SSPN: variants seen among roughly 807,000 people sequenced by gnomAD.
SSPN encodes the protein sarcospan.
SSPN carries 15 observed loss-of-function variants against 19.1 expected under a neutral mutation model. The observed-to-expected ratio is 0.78, with a 90% CI of 0.52 to 1.21. The LOEUF is 1.21. Ranked by LOEUF, SSPN falls within the 50% of genes most tolerant of loss-of-function variation. The pLI is 0.00. For synonymous variants in SSPN, 147 were observed against 140.3 expected (o/e 1.05, Z -0.34); for missense variants, 291 against 314.0 (o/e 0.93, Z 0.55).
chr12:26,164,962 G>T (rs975803241), intron 1 of SSPN, among the ~76,000 whole-genome samples: 1 of 152,100 alleles, frequency 6.6e-6, no homozygotes, highest in African/African-American at 2.4e-5. Flanking sequence ...AATAGCATTG[G>T]CGTTAGCTTG....
chr12:26,205,173 C>T (rs1944920292), intron 1 of SSPN, among the ~76,000 whole-genome samples: 1 of 152,186 alleles, frequency 6.6e-6, no homozygotes, highest in Non-Finnish European at 1.5e-5. Context: ...TCTCCCCTGG[C>T]TGGGAGTGCC....
intron 1 of SSPN, among the ~76,000 whole-genome samples, chr12:26,147,359 G>A (rs558725307): frequency 2.7e-5 from 4 of 150,384 alleles, no homozygotes; most frequent in East Asian, 3.9e-4. Context: ...TGCAACCTCC[G>A]CCTCCCGGTT....
chr12:26,168,666 T>C (rs1944635615), intron 1 of SSPN, among the ~76,000 whole-genome samples: 1 of 152,228 alleles, frequency 6.6e-6, no homozygotes, highest in South Asian at 2.1e-4. Flanking sequence ...GAAGAAGGTT[T>C]CGTGGAGGGG....
At chr12:26,124,616 C>A (rs977619386) in intron 1 of SSPN, 2 of 1,613,396 alleles carry the variant, frequency 1.2e-6, no homozygotes, top group Non-Finnish European at 1.7e-6. Context: ...GGCACCCATT[C>A]GGGGAGGGGC....
At position 26,218,619 on chromosome 12, in the gene SSPN, A is replaced by G. The variant is rs375046553; in HGVS notation, c.280-5674A>G. Among the ~76,000 whole-genome samples the G allele has an allele frequency of 3.3e-5, 5 of 152,310 alleles. No individual in the cohort carries two copies. In the South Asian group the frequency reaches 1.0e-3, roughly 32 times the overall value. On this transcript the variant is annotated intron_variant, in intron 1 of 2. Transcript: ENST00000242729. The stretch of plus-strand genomic sequence containing the variant: ...AACCACTCTTAGGCTTTGTCTTACC[A>G]TAAGGCAGTGGCAATGAGAATCCAG...
At chr12:26,147,390 G>A (rs1285493714) in intron 1 of SSPN, among the ~76,000 whole-genome samples, 1 of 151,766 alleles carries the variant, frequency 6.6e-6, no homozygotes, top group Non-Finnish European at 1.5e-5. Flanking sequence ...CCCTGCCTCA[G>A]CCTCCTGAGT....
chr12:26,223,676 A>C (rs1945146797), intron 1 of SSPN, among the ~76,000 whole-genome samples: 2 of 152,348 alleles, frequency 1.3e-5, no homozygotes, highest in South Asian at 4.1e-4. Flanking sequence ...TCTTACTTAC[A>C]ATATGAGAAT....
chr12:26,156,736 G>T (rs929844803), intron 1 of SSPN, among the ~76,000 whole-genome samples: 2 of 152,206 alleles, frequency 1.3e-5, no homozygotes, highest in African/African-American at 4.8e-5. Context: ...AGCAGCTCAG[G>T]AAGACACACT....
At chr12:26,164,030 A>G (rs1944605696) in intron 1 of SSPN, among the ~76,000 whole-genome samples, 1 of 152,230 alleles carries the variant, frequency 6.6e-6, no homozygotes, top group South Asian at 2.1e-4. Context: ...TCAGAAGTAG[A>G]TGGCCTGCAC....
chr12:26,125,093 T>G, intron 1 of SSPN: 1 of 425,182 alleles, frequency 2.4e-6, no homozygotes, highest in Non-Finnish European at 4.4e-6. Flanking sequence ...GTGCGGAACG[T>G]ACCATCCGCG....
At chr12:26,140,397 A>G (rs191280078) in intron 1 of SSPN, among the ~76,000 whole-genome samples, 38 of 152,262 alleles carry the variant, frequency 2.5e-4, no homozygotes, top group African/African-American at 8.9e-4. Context: ...ATTCCAAAAT[A>G]CTTCTCAAAT....
intron 1 of SSPN, among the ~76,000 whole-genome samples, chr12:26,218,459 G>T (rs1339815970): frequency 6.9e-5 from 10 of 145,896 alleles, no homozygotes. Context: ...TGCACAATGT[G>T]CACATGTACC....
intron 1 of SSPN, among the ~76,000 whole-genome samples, chr12:26,131,003 T>G (rs2729622): frequency 6.6e-6 from 1 of 152,088 alleles, no homozygotes; most frequent in Admixed American, 6.5e-5. Flanking sequence ...TAGGGGTTCT[T>G]TTAGTAAAGG....
At chr12:26,130,191 G>A (rs1195144506) in intron 1 of SSPN, among the ~76,000 whole-genome samples, 1 of 152,116 alleles carries the variant, frequency 6.6e-6, no homozygotes, top group Non-Finnish European at 1.5e-5. Flanking sequence ...CAGGAAGAGG[G>A]GCCTTTTAAT....
intron 1 of SSPN, among the ~76,000 whole-genome samples, chr12:26,205,555 T>C (rs1944924291): frequency 6.6e-6 from 1 of 152,178 alleles, no homozygotes. Context: ...CCAGGAAAGC[T>C]ATGAAGGAGG....
intron 1 of SSPN, among the ~76,000 whole-genome samples, chr12:26,202,008 A>G (rs1944890040): frequency 6.6e-6 from 1 of 152,196 alleles, no homozygotes; most frequent in African/African-American, 2.4e-5. Flanking sequence ...CAAAATTCAC[A>G]GATACTCAAG....
chr12:26,194,111 C>T (rs765271097), upstream of SSPN, among the ~76,000 whole-genome samples: 2 of 152,066 alleles, frequency 1.3e-5, no homozygotes, highest in Non-Finnish European at 2.9e-5. Context: ...TTACAATGAC[C>T]ATACCAAAGG....
At chr12:26,170,749 A>G (rs904514348) in intron 1 of SSPN, among the ~76,000 whole-genome samples, 1 of 152,218 alleles carries the variant, frequency 6.6e-6, no homozygotes, top group Non-Finnish European at 1.5e-5. Context: ...TTACTGAGCA[A>G]GTTCTTCTTC....
Position 26,234,046 on chromosome 12 carries a change from GTA to G in SSPN, c.*2974_*2975del, listed in dbSNP as rs559237446. The G allele has an allele frequency of 1.6e-4, 25 of 152,286 alleles. No individual in the cohort carries two copies. The highest frequency in any genetic ancestry group is 1.2e-3 in the Admixed American group (19 of 15,296). 9.4% of individuals were successfully genotyped at this position (152,286 alleles called of 1,614,324 possible). On this transcript the variant is annotated 3_prime_UTR_variant, in exon 3 of 3. Coordinates refer to ENST00000242729, the MANE Select transcript of SSPN (RefSeq NM_005086.5). Reference sequence around the variant, plus strand: ...TGTTTTTTTTCTTTGGATTAAAAGTGTATATCTCTCTACTGAGGGGTTTCCAG... The same window carrying G: ...TGTTTTTTTTCTTTGGATTAAAAGTGTATCTCTCTACTGAGGGGTTTCCAG...
Sources: gnomAD v4.1 joint callset for allele counts (sites outside exome capture counted in the v4.1 genomes callset) on GRCh38, gnomAD v4.1.1 for gene constraint, MANE v1.5 for transcripts, NCBI Gene and HGNC (gene_info 2026-07-23, HGNC 2026-07-21) for gene names.